The following ATG13 variants were observed in gnomAD, a reference collection of about 807,000 sequenced individuals.
ATG13 encodes the protein autophagy related 13, also known as autophagy-related protein 13.
A neutral mutation model predicts 65.5 loss-of-function variants in ATG13; 23 were observed. The observed-to-expected ratio is 0.35, with a 90% CI of 0.25 to 0.50. The LOEUF (loss-of-function observed/expected upper bound fraction) is 0.50. ATG13 is among the 20% of genes least tolerant of loss of function. The pLI, the probability that ATG13 is intolerant of heterozygous loss-of-function variation, is 0.98. For missense variants in ATG13, 566 were observed against 677.0 expected, an observed-to-expected ratio of 0.84 and a Z score of 1.82; for synonymous variants, 252 against 245.2, an observed-to-expected ratio of 1.03 and a Z score of -0.26.
chr11:46,656,335 C>T, intron 8 of ATG13, 62 bp downstream of exon 8: 1 of 1,471,606 alleles, frequency 6.8e-7, no homozygotes, highest in Non-Finnish European at 9.4e-7. Flanking sequence ...CAGAGATGAT[C>T]TTCGTTTCTA....
intron 4 of ATG13, 58 bp downstream of exon 4, chr11:46,645,477 A>G: frequency 1.4e-6 from 2 of 1,458,898 alleles, no homozygotes; most frequent in South Asian, 1.2e-5. Context: ...AGGAATGTGT[A>G]AAGTTCTCAA....
chr11:46,667,877 C>A lies in ATG13; in HGVS notation c.1241C>A (p.Pro414His). Residue 414 changes from proline (P) to histidine (H), a missense_variant, in exon 15 of 19, where the codon CCC becomes CAC. By Grantham distance (77) the Pro-to-His change is moderately conservative (BLOSUM62 -2). This residue lies in a region of ATG13 where 387 missense variants were observed against 409.8 expected (regional missense o/e 0.94). Coordinates refer to ENST00000683050, the MANE Select transcript of ATG13 (RefSeq NM_001346311.2). ...VRKVGAFVNKPINQVTLTSLD... is the reference protein window; with the variant it reads ...VRKVGAFVNKHINQVTLTSLD... ...AAAGTGGGGGCTTTTGTCAACAAAC[C>A]CATTAACCAGGTGATTTTTCTGCCA... The A allele has an allele frequency of 6.2e-7, 1 of 1,609,606 alleles. No individual in the cohort carries two copies. Among genetic ancestry groups the A allele is most frequent in the Non-Finnish European group, 8.5e-7 (1 of 1,176,194 alleles).
intron 9 of ATG13, 51 bp from the exon 10 acceptor site, chr11:46,657,473 G>GGGC (rs1276725477): frequency 1.5e-5 from 23 of 1,555,968 alleles, no homozygotes; most frequent in Non-Finnish European, 2.0e-5. Context: ...GACTTTGTGG[G>GGGC]GGCTGGAAAG....
intron 2 of ATG13, among the ~76,000 whole-genome samples, chr11:46,636,557 CAAAAAAAAAA>C: frequency 2.1e-5 from 1 of 47,292 alleles, no homozygotes. Context: ...GACTCCGTCT[CAAAAAAAAAA>C]AAAAAAAAAA....
intron 13 of ATG13, 85 bp downstream of exon 13, chr11:46,665,044 G>A (rs895127799): frequency 7.6e-7 from 1 of 1,318,650 alleles, no homozygotes; most frequent in South Asian, 1.3e-5. Flanking sequence ...CAAGGCAGAG[G>A]GATATGTTCT....
chr11:46,644,315 G>C lies in ATG13; in HGVS notation c.24G>C (p.Gln8His). ...CAATGGAAACTGATCTCAATTCCCA[G>C]GACAGAAAGGACCTGGACAAGTTTA... is the stretch of plus-strand genomic sequence containing the variant. METDLNS[Q>H]DRKDLDKFIK... The change falls in exon 3 of 19, where the codon CAG becomes CAC. Residue 8 changes from glutamine to histidine, a missense_variant. Physicochemically the swap from Gln to His is conservative, Grantham distance 24. Coordinates refer to ENST00000683050, the MANE Select transcript of ATG13 (RefSeq NM_001346311.2). The C allele has an allele frequency of 6.2e-7, 1 of 1,609,720 alleles. No homozygotes were observed. Among genetic ancestry groups the C allele is most frequent in the Non-Finnish European group, 8.5e-7 (1 of 1,178,832 alleles).
intron 12 of ATG13, among the ~76,000 whole-genome samples, chr11:46,664,449 A>G (rs2061845231): frequency 6.6e-6 from 1 of 152,180 alleles, no homozygotes; most frequent in South Asian, 2.1e-4. Flanking sequence ...TTCTATGTCA[A>G]AGGGGCCTCA....
rs759807874 is a variant in ATG13 at position 46,668,496 on chromosome 11, C to T, written c.1252-3C>T. On this transcript the variant is annotated splice_polypyrimidine_tract_variant and splice_region_variant and intron_variant, in intron 15 of 18. Coordinates refer to ENST00000683050, the MANE Select transcript of ATG13 (RefSeq NM_001346311.2). ...TGAATGCTTTTCTCCTGTGTCTCTT[C>T]AGGTGACCCTGACGAGTTTGGATAT... 2 of 1,614,042 alleles carry T rather than the reference C, an allele frequency of 1.2e-6. No homozygotes were observed. The highest frequency in any genetic ancestry group is 1.7e-5 in the Admixed American group (1 of 60,030).
chr11:46,668,288 C>T (rs941783056), intron 15 of ATG13, among the ~76,000 whole-genome samples: 3 of 152,136 alleles, frequency 2.0e-5, no homozygotes, highest in East Asian at 1.9e-4. Flanking sequence ...TCCTCAGGAC[C>T]CCAACCCTTG....
At chr11:46,648,115 CT>C (rs1318876955) in intron 5 of ATG13, among the ~76,000 whole-genome samples, 2 of 148,610 alleles carry the variant, frequency 1.3e-5, no homozygotes, top group East Asian at 2.1e-4. Flanking sequence ...CCCCCCAGCA[CT>C]TTTTTTTCCT....
rs377458204 is a variant in ATG13, at chr11:46,639,853, ATTTTTTT to A, written c.-13-4412_-13-4406del. Among the ~76,000 whole-genome samples the A allele has an allele frequency of 7.1e-5, 9 of 126,986 alleles. No homozygotes were observed. In the East Asian group the frequency reaches 1.7e-3, roughly 24 times the overall value. 83.3% of individuals were successfully genotyped at this position (126,986 alleles called of 152,430 possible). A position where few individuals can be genotyped will look rare whatever the true frequency, so the allele number is the denominator to read the frequency against. On this transcript the variant is annotated intron_variant, in intron 2 of 18. Transcript: ENST00000683050. ...CTGTACTTCAGGATCTGCTTATGCAATTTTTTTTTTTTTTTTTTTTGACAGGGTCTTG... is the reference window on the plus strand; with the variant it reads ...CTGTACTTCAGGATCTGCTTATGCAATTTTTTTTTTTTTGACAGGGTCTTG...
rs1007646511 is a variant in ATG13, at chr11:46,617,750, C to T, written c.-210C>T. On this transcript the variant is annotated 5_prime_UTR_variant, in exon 1 of 19. Transcript: ENST00000683050. ...CTGCGAGCCAGGACCCTTCTGAAGC[C>T]TTAGGTGTCTATCGGCGACGTGTAC... 2 of 398,828 alleles carry T rather than the reference C, an allele frequency of 5.0e-6. No individual in the cohort carries two copies. Among genetic ancestry groups the T allele is most frequent in the African/African-American group, 4.1e-5 (2 of 48,756 alleles). The allele number at this position is 398,828 out of a possible 1,614,324, so 24.7% of individuals were successfully genotyped here. A position where few individuals can be genotyped will look rare whatever the true frequency, so the allele number is the denominator to read the frequency against.
chr11:46,639,353 G>C (rs1349469751), intron 2 of ATG13, among the ~76,000 whole-genome samples: 1 of 151,996 alleles, frequency 6.6e-6, no homozygotes, highest in Non-Finnish European at 1.5e-5. Flanking sequence ...TTGTGAATTG[G>C]GCCAATTGTC....
rs956703901 is a variant in ATG13 at position 46,672,980 on chromosome 11, G to A, written c.*648G>A. ...AGGTCGGGAGGGTCTGAGCAGCCCTGGTGGCTGCCTGTGCTCAGGTCCTCA... is the reference window on the plus strand; with the variant it reads ...AGGTCGGGAGGGTCTGAGCAGCCCTAGTGGCTGCCTGTGCTCAGGTCCTCA... On this transcript the variant is annotated 3_prime_UTR_variant, in exon 19 of 19. Transcript: ENST00000683050. 4 of 342,920 alleles carry A rather than the reference G, an allele frequency of 1.2e-5. No individual in the cohort carries two copies. Among genetic ancestry groups the A allele is most frequent in the Admixed American group, 4.9e-5 (1 of 20,584 alleles). The allele number at this position is 342,920 out of a possible 1,614,324, so 21.2% of individuals were successfully genotyped here.
intron 7 of ATG13, among the ~76,000 whole-genome samples, chr11:46,654,250 T>A (rs2136588029): frequency 7.4e-6 from 1 of 135,214 alleles, no homozygotes; most frequent in Middle Eastern, 4.5e-3. Flanking sequence ...CTGGGTCACA[T>A]GGCAAGACCT....
chr11:46,671,965 T>C (rs1201733574), intron 18 of ATG13, among the ~76,000 whole-genome samples: 1 of 152,264 alleles, frequency 6.6e-6, no homozygotes, highest in Admixed American at 6.5e-5. Context: ...GGATATTTCA[T>C]GTTTAATTTC....
intron 17 of ATG13, among the ~76,000 whole-genome samples, 192 bp from the exon 18 acceptor site, chr11:46,669,212 C>T (rs72912164): frequency 8.5e-4 from 130 of 152,256 alleles, no homozygotes; most frequent in Non-Finnish European, 1.5e-3. Flanking sequence ...GGGACATAAA[C>T]TTAACTAGTG....
rs937938001 is a variant in ATG13 at position 46,645,881 on chromosome 11, A to G, written c.162A>G (p.Ala54=). 6.2e-7 allele frequency: 1 copy of G among 1,614,122 alleles called. No homozygotes were observed. The highest frequency in any genetic ancestry group is 8.5e-7 in the Non-Finnish European group (1 of 1,179,994). Residue 54 remains alanine, a synonymous_variant, in exon 5 of 19, where the codon GCA becomes GCG. Transcript: ENST00000683050. ...SPTGSDWFNL[A]IKDIPEVTHE... ...CTTTTGTTTTCCAGTTCAACTTAGC[A>G]ATCAAAGACATCCCAGAGGTTACAC...
At chr11:46,654,211 T>C (rs961667463) in intron 7 of ATG13, among the ~76,000 whole-genome samples, 2 of 148,612 alleles carry the variant, frequency 1.3e-5, no homozygotes, top group African/African-American at 5.0e-5. Flanking sequence ...GGTGGGAGGA[T>C]TGCTTGAGCC....
Sources: gnomAD v4.1 joint callset for allele counts (sites outside exome capture counted in the v4.1 genomes callset) on GRCh38, gnomAD v4.1.1 for gene constraint, gnomAD v4.1.1 regional missense constraint, MANE v1.5 for transcripts, NCBI Gene and HGNC (gene_info 2026-07-23, HGNC 2026-07-21) for gene names.